The following GNAI1 variants were observed in gnomAD, a reference collection of about 807,000 sequenced individuals.
GNAI1 encodes guanine nucleotide-binding protein G(i) subunit alpha-1.
GNAI1 carries 11 observed loss-of-function variants against 38.9 expected under a neutral mutation model. That is an observed-to-expected ratio of 0.28 (90% CI 0.18 to 0.47). GNAI1 has a LOEUF of 0.47. GNAI1 is among the 20% of genes least tolerant of loss of function. GNAI1 has a pLI of 0.99. For synonymous variants in GNAI1, 166 were observed against 145.1 expected, an observed-to-expected ratio of 1.14 and a Z score of -1.04; for missense variants, 317 against 436.9, an observed-to-expected ratio of 0.73 and a Z score of 2.45.
At chr7:80,165,237 G>C (rs1354713491) in intron 1 of GNAI1, among the ~76,000 whole-genome samples, 3 of 152,142 alleles carry the variant, frequency 2.0e-5, no homozygotes, top group Admixed American at 1.3e-4. Context: ...TCATCTCTCA[G>C]TAATGTTGTA....
At chr7:80,157,881 G>A (rs1237875129) in intron 1 of GNAI1, among the ~76,000 whole-genome samples, 2 of 151,966 alleles carry the variant, frequency 1.3e-5, no homozygotes, top group South Asian at 2.1e-4. Flanking sequence ...TAATTTTTTT[G>A]TATTTTTAGT....
chr7:80,156,222 T>A (rs1787816272), intron 1 of GNAI1, among the ~76,000 whole-genome samples: 1 of 152,138 alleles, frequency 6.6e-6, no homozygotes, highest in Non-Finnish European at 1.5e-5. Context: ...AAATATGTTG[T>A]ACTCATTAGG....
intron 1 of GNAI1, chr7:80,135,955 G>A (rs1293173021): frequency 6.1e-6 from 6 of 985,204 alleles, no homozygotes; most frequent in Non-Finnish European, 7.2e-6. Context: ...CTTTGCTTTA[G>A]TAGTAGGCAA....
rs2115752825 is a variant in GNAI1, at chr7:80,225,911, GATT to G, written c.*8422_*8424del. On this transcript the variant is annotated 3_prime_UTR_variant, in exon 8 of 8. Coordinates refer to ENST00000649796, the MANE Select transcript of GNAI1 (RefSeq NM_002069.6). The stretch of plus-strand genomic sequence containing the variant: ...CACACACACACACATCTGTGAGAAT[GATT>G]ATTTTCTACTTGATACAGTGTGCAT... 6.6e-6 allele frequency among the ~76,000 whole-genome samples: 1 copy of G among 152,146 alleles called. No individual in the cohort carries two copies. Among genetic ancestry groups the G allele is most frequent in the East Asian group, 1.9e-4 (1 of 5,182 alleles).
rs59104301 is a variant in GNAI1 at position 80,180,322 on chromosome 7, A to AGTGTGTGT, written c.119-8608_119-8601dup. Among the ~76,000 whole-genome samples, 458 of 150,196 alleles carry AGTGTGTGT rather than the reference A, an allele frequency of 3.0e-3. 2 individuals are homozygous for AGTGTGTGT. Among genetic ancestry groups the AGTGTGTGT allele is most frequent in the African/African-American group, 1.0e-2 (409 of 41,078 alleles). The stretch of plus-strand genomic sequence containing the variant: ...ACTATAAAACAGAACATTCTTATAA[A>AGTGTGTGT]GTGTGTGTGTGTGTGTGTGTGTGTG... On this transcript the variant is annotated intron_variant, in intron 1 of 7. Coordinates refer to ENST00000649796, the MANE Select transcript of GNAI1 (RefSeq NM_002069.6).
chr7:80,224,986 T>C lies in GNAI1; in HGVS notation c.*7493T>C, dbSNP rs1438081117. ...TATTTTTCTTCCACAACAACTCTAT[T>C]TGCATTGCATGGAAATGTTCCCAAG... On this transcript the variant is annotated 3_prime_UTR_variant, in exon 8 of 8. Coordinates refer to ENST00000649796, the MANE Select transcript of GNAI1 (RefSeq NM_002069.6). Among the ~76,000 whole-genome samples, 2 of 152,194 alleles carry C rather than the reference T, an allele frequency of 1.3e-5. No homozygotes were observed. Among genetic ancestry groups the C allele is most frequent in the Admixed American group, 1.3e-4 (2 of 15,272 alleles).
intron 1 of GNAI1, among the ~76,000 whole-genome samples, chr7:80,182,660 A>G (rs1286932135): frequency 6.6e-6 from 1 of 152,230 alleles, no homozygotes; most frequent in East Asian, 1.9e-4. Context: ...CCTCTTTACA[A>G]AAATAGCACA....
chr7:80,199,284 A>C lies in GNAI1; in HGVS notation c.363A>C (p.Ala121=). 6.2e-7 allele frequency: 1 copy of C among 1,613,662 alleles called. No individual in the cohort carries two copies. The highest frequency in any genetic ancestry group is 1.1e-5 in the South Asian group (1 of 91,026). ...CTGCTGAAGAAGGCTTTATGACTGC[A>C]GAACTTGCTGGAGTTATAAAGAGAT... The part of the protein sequence containing the change: ...AGAAEEGFMT[A]ELAGVIKRLW... Residue 121 remains alanine, a synonymous_variant, in exon 4 of 8, where the codon GCA becomes GCC. Transcript: ENST00000649796.
intron 3 of GNAI1, among the ~76,000 whole-genome samples, chr7:80,193,681 G>A (rs1209330488): frequency 2.0e-5 from 3 of 152,104 alleles, no homozygotes; most frequent in African/African-American, 7.2e-5. Flanking sequence ...ACAAGAGTGT[G>A]CACAAAATGG....
chr7:80,206,274 T>G (rs1435397373), intron 5 of GNAI1, among the ~76,000 whole-genome samples: 1 of 152,048 alleles, frequency 6.6e-6, no homozygotes, highest in East Asian at 1.9e-4. Flanking sequence ...AGGTAATAAT[T>G]AATTTATGTG....
chr7:80,139,170 G>C (rs1787479087), intron 1 of GNAI1, among the ~76,000 whole-genome samples: 1 of 152,150 alleles, frequency 6.6e-6, no homozygotes, highest in South Asian at 2.1e-4. Context: ...AGAAGCCACA[G>C]GTTTTGGAAT....
chr7:80,135,398 C>A, intron 1 of GNAI1, 120 bp downstream of exon 1: 1 of 537,842 alleles, frequency 1.9e-6, no homozygotes, highest in Non-Finnish European at 3.0e-6. Context: ...GGCTTCTGAG[C>A]GGGAGCTGGG....
chr7:80,149,425 C>G (rs897834869), intron 1 of GNAI1, among the ~76,000 whole-genome samples: 1 of 152,004 alleles, frequency 6.6e-6, no homozygotes, highest in African/African-American at 2.4e-5. Context: ...ATATTCACCC[C>G]CTAAATGGTC....
intron 3 of GNAI1, 85 bp from the exon 4 acceptor site, chr7:80,199,140 T>C: frequency 8.2e-6 from 8 of 975,188 alleles, no homozygotes; most frequent in East Asian, 2.5e-5. Flanking sequence ...TTGCCTTTTT[T>C]TTTTTAACTC....
At chr7:80,183,209 A>C (rs1788326532) in intron 1 of GNAI1, among the ~76,000 whole-genome samples, 1 of 152,216 alleles carries the variant, frequency 6.6e-6, no homozygotes, top group African/African-American at 2.4e-5. Flanking sequence ...ATGCTCTAAG[A>C]AAAAGGGAGG....
In GNAI1 at chr7:80,218,607, T is replaced by C. The variant is rs1432758657; in HGVS notation, c.*1114T>C. On this transcript the variant is annotated 3_prime_UTR_variant, in exon 8 of 8. Coordinates refer to ENST00000649796, the MANE Select transcript of GNAI1 (RefSeq NM_002069.6). ...TTGCTGATATAATGCAAGATTTAAA[T>C]TTATACATATAACTAATTTCAAATG... 1.3e-5 allele frequency: 2 copies of C among 152,178 alleles called. No homozygotes were observed. The highest frequency in any genetic ancestry group is 4.8e-5 in the African/African-American group (2 of 41,444). 9.4% of individuals were successfully genotyped at this position (152,178 alleles called of 1,614,324 possible). A position where few individuals can be genotyped will look rare whatever the true frequency, so the allele number is the denominator to read the frequency against.
At chr7:80,190,886 T>G (rs1415112896) in intron 3 of GNAI1, among the ~76,000 whole-genome samples, 1 of 152,100 alleles carries the variant, frequency 6.6e-6, no homozygotes, top group Non-Finnish European at 1.5e-5. Flanking sequence ...TGTCGTTTTC[T>G]CTTTCTTTTT....
rs1240444213 is a variant in GNAI1 at position 80,225,742 on chromosome 7, C to T, written c.*8249C>T. On this transcript the variant is annotated 3_prime_UTR_variant, in exon 8 of 8. Transcript: ENST00000649796. The stretch of plus-strand genomic sequence containing the variant: ...TTTGCTCTTTAACAGTCAATAAAAT[C>T]ATATCTACTAATCAATACATTTGAA... Among the ~76,000 whole-genome samples, 4 of 152,148 alleles carry T rather than the reference C, an allele frequency of 2.6e-5. No homozygotes were observed. The highest frequency in any genetic ancestry group is 9.7e-5 in the African/African-American group (4 of 41,436).
chr7:80,151,403 A>G (rs1296796552), intron 1 of GNAI1, among the ~76,000 whole-genome samples: 1 of 148,578 alleles, frequency 6.7e-6, no homozygotes, highest in Non-Finnish European at 1.5e-5. Context: ...CACAAAGCCA[A>G]AAAAAAAAAA....
Sources: gnomAD v4.1 joint callset for allele counts (sites outside exome capture counted in the v4.1 genomes callset) on GRCh38, gnomAD v4.1.1 for gene constraint, MANE v1.5 for transcripts, NCBI Gene and HGNC (gene_info 2026-07-23, HGNC 2026-07-21) for gene names.